ADAMTSL1: variants seen among roughly 807,000 people sequenced by gnomAD.
ADAMTSL1 encodes the protein ADAMTS like 1, also known as ADAMTS-like protein 1.
ADAMTSL1 carries 126 observed loss-of-function variants against 201.8 expected under a neutral mutation model. The observed-to-expected ratio is 0.62, with a 90% CI of 0.54 to 0.72. The LOEUF (loss-of-function observed/expected upper bound fraction) is 0.72. Among genes scored for constraint, ADAMTSL1 ranks in the 30% least tolerant of loss-of-function variants. The probability of loss-of-function intolerance (pLI) is 0.00; values close to 1 mark genes in which losing one functional copy is unlikely to be tolerated. For synonymous variants in ADAMTSL1, 1,121 were observed against 903.4 expected, an observed-to-expected ratio of 1.24 and a Z score of -4.32; for missense variants, 2,679 against 2,277.8, an observed-to-expected ratio of 1.18 and a Z score of -3.59.
chr9:17,928,080 G>C (rs949469574), intron 1 of ADAMTSL1, among the ~76,000 whole-genome samples: 3 of 150,436 alleles, frequency 2.0e-5, no homozygotes, highest in Admixed American at 6.6e-5. Context: ...CTGCAGCCTC[G>C]ACTTCCTGGG....
chr9:18,849,111 A>G (rs1050473152), intron 23 of ADAMTSL1, among the ~76,000 whole-genome samples: 4 of 152,196 alleles, frequency 2.6e-5, no homozygotes, highest in African/African-American at 9.7e-5. Flanking sequence ...ATTATTGGAC[A>G]TATTTCTTAC....
intron 19 of ADAMTSL1, among the ~76,000 whole-genome samples, chr9:18,780,002 G>A (rs1291223229): frequency 6.6e-6 from 1 of 152,200 alleles, no homozygotes; most frequent in Non-Finnish European, 1.5e-5. Context: ...AAAAAGCTGT[G>A]GAACGAGACA....
chr9:18,493,690 G>A (rs889071690), intron 1 of ADAMTSL1, among the ~76,000 whole-genome samples: 5 of 152,158 alleles, frequency 3.3e-5, no homozygotes, highest in African/African-American at 1.2e-4. Context: ...CCATGATTCA[G>A]ATTCATTTTT....
At chr9:18,082,508 C>T (rs1024257937) in intron 1 of ADAMTSL1, among the ~76,000 whole-genome samples, 1 of 152,126 alleles carries the variant, frequency 6.6e-6, no homozygotes, top group African/African-American at 2.4e-5. Flanking sequence ...GACAGGGTTT[C>T]ACCATGTTGG....
chr9:18,784,219 A>T (rs1340813734), intron 19 of ADAMTSL1, among the ~76,000 whole-genome samples: 1 of 152,160 alleles, frequency 6.6e-6, no homozygotes, highest in African/African-American at 2.4e-5. Context: ...CATCATCCAC[A>T]TAGTACCCTA....
intron 2 of ADAMTSL1, among the ~76,000 whole-genome samples, chr9:18,190,074 C>T (rs576619178): frequency 5.9e-5 from 9 of 152,288 alleles, no homozygotes; most frequent in Admixed American, 3.3e-4. Flanking sequence ...TAAGTAACCT[C>T]TAAGGGGATC....
chr9:18,328,188 T>C (rs574532165), intron 2 of ADAMTSL1, among the ~76,000 whole-genome samples: 115 of 152,376 alleles, frequency 7.5e-4, no homozygotes, highest in African/African-American at 2.6e-3. Flanking sequence ...CCACTTCAGC[T>C]ATTTATCCAA....
chr9:18,562,467 A>G (rs560678531), intron 3 of ADAMTSL1, among the ~76,000 whole-genome samples: 55 of 151,812 alleles, frequency 3.6e-4, no homozygotes, highest in Middle Eastern at 3.4e-3. Flanking sequence ...CTTCATTTCA[A>G]CCTTGCCGAA....
intron 2 of ADAMTSL1, among the ~76,000 whole-genome samples, chr9:18,216,733 C>G (rs66520043): frequency 0.12 from 18,376 of 151,106 alleles, 1,319 homozygotes; most frequent in East Asian, 0.24. Context: ...TTTTCTCCTC[C>G]CTTCTACCCT....
chr9:18,266,598 G>A (rs975625920), intron 2 of ADAMTSL1, among the ~76,000 whole-genome samples: 1 of 152,144 alleles, frequency 6.6e-6, no homozygotes, highest in Non-Finnish European at 1.5e-5. Context: ...TGTTTGTTGA[G>A]TTTTCAGAAA....
At chr9:18,074,871 G>A (rs900228867) in intron 1 of ADAMTSL1, among the ~76,000 whole-genome samples, 2 of 152,158 alleles carry the variant, frequency 1.3e-5, no homozygotes, top group South Asian at 2.1e-4. Flanking sequence ...GATTACAAGC[G>A]TGAGCCATGG....
chr9:18,089,956 G>A (rs1372163450), intron 1 of ADAMTSL1, among the ~76,000 whole-genome samples: 2 of 152,130 alleles, frequency 1.3e-5, no homozygotes, highest in Non-Finnish European at 2.9e-5. Context: ...GTTAAGGTTG[G>A]TAATTATAAT....
intron 2 of ADAMTSL1, among the ~76,000 whole-genome samples, chr9:18,175,876 C>G (rs1286844849): frequency 6.6e-6 from 1 of 151,798 alleles, no homozygotes; most frequent in Non-Finnish European, 1.5e-5. Flanking sequence ...GAGGGGCAGT[C>G]TAGTACCAGG....
chr9:18,221,886 A>G (rs916079203), intron 2 of ADAMTSL1, among the ~76,000 whole-genome samples: 5 of 152,074 alleles, frequency 3.3e-5, no homozygotes, highest in East Asian at 1.9e-4. Context: ...TTTGTCAGGC[A>G]TGTTAGAATT....
intron 8 of ADAMTSL1, among the ~76,000 whole-genome samples, chr9:18,658,173 C>A (rs538046201): frequency 2.6e-5 from 4 of 152,138 alleles, no homozygotes; most frequent in Non-Finnish European, 4.4e-5. Flanking sequence ...ACGGGGTTTC[C>A]CCGTGTTAGC....
chr9:18,303,460 G>A (rs1396198447), intron 2 of ADAMTSL1, among the ~76,000 whole-genome samples: 2 of 152,142 alleles, frequency 1.3e-5, no homozygotes, highest in Non-Finnish European at 2.9e-5. Context: ...GTTCCTTCTG[G>A]CAGCACAGGC....
intron 2 of ADAMTSL1, among the ~76,000 whole-genome samples, chr9:18,167,461 C>A (rs948533039): frequency 3.3e-5 from 5 of 151,864 alleles, no homozygotes; most frequent in African/African-American, 9.7e-5. Context: ...AAATGCCTGC[C>A]TTTAATCACA....
chr9:18,898,845 T>C (rs1181204025), intron 26 of ADAMTSL1, among the ~76,000 whole-genome samples: 2 of 152,152 alleles, frequency 1.3e-5, no homozygotes, highest in African/African-American at 2.4e-5. Context: ...GTTGCTATTA[T>C]AGAGAATGGC....
chr9:18,761,636 A>T (rs546754897), intron 16 of ADAMTSL1, among the ~76,000 whole-genome samples: 2 of 152,258 alleles, frequency 1.3e-5, no homozygotes, highest in South Asian at 2.1e-4. Flanking sequence ...TCCTTTGGAA[A>T]CATTTTTTTC....
Sources: gnomAD v4.1 joint callset for allele counts (sites outside exome capture counted in the v4.1 genomes callset) on GRCh38, gnomAD v4.1.1 for gene constraint, MANE v1.5 for transcripts, NCBI Gene and HGNC (gene_info 2026-07-23, HGNC 2026-07-21) for gene names.